The following UBR4 variants were observed in gnomAD, a reference collection of about 807,000 sequenced individuals.
UBR4 encodes E3 ubiquitin-protein ligase UBR4.
UBR4 carries 124 observed loss-of-function variants against 575.6 expected under a neutral mutation model. That is an observed-to-expected ratio of 0.22 (90% CI 0.19 to 0.25). The LOEUF is 0.25. Ranked by LOEUF, UBR4 falls within the 10% of genes least tolerant of loss-of-function variation. The probability of loss-of-function intolerance (pLI) is 1.00; values close to 1 mark genes in which losing one functional copy is unlikely to be tolerated. For synonymous variants in UBR4, 2,455 were observed against 2,473.7 expected (o/e 0.99, Z 0.22); for missense variants, 4,818 against 6,478.8 (o/e 0.74, Z 8.80).
intron 27 of UBR4, 38 bp from the exon 28 acceptor site, chr1:19,168,222 T>C (rs2088841739): frequency 1.3e-6 from 2 of 1,489,540 alleles, no homozygotes; most frequent in Non-Finnish European, 1.8e-6. Flanking sequence ...GGATAGACCA[T>C]CTACCCTGGA....
In UBR4 at chr1:19,172,866, G is replaced by A. The variant is rs766747398; in HGVS notation, c.3519C>T (p.Thr1173=). 3 of 1,613,996 alleles carry A rather than the reference G, an allele frequency of 1.9e-6. No individual in the cohort carries two copies. Among genetic ancestry groups the A allele is most frequent in the Non-Finnish European group, 2.5e-6 (3 of 1,179,970 alleles). ...TCTGGGCAGGCAGTTCGCCACACCT[G>A]GTGAACGATGCATAGGTGTCAATGA... ...LQLIDTYASF[T]RAYLLQNFNE... The change falls in exon 25 of 106, where the codon ACC becomes ACT. Residue 1173 remains threonine (T), a splice_region_variant and synonymous_variant. Transcript: ENST00000375254.
Position 19,170,784 on chromosome 1 carries a change from G to A in UBR4, c.3621C>T (p.Ser1207=), listed in dbSNP as rs537478358. The A allele has an allele frequency of 1.4e-4, 229 of 1,614,186 alleles. 6 individuals carry two copies. The South Asian group carries it at 2.4e-3, about 17-fold the overall frequency. ...TACCCAGAGTATTTGCCTTGCACCT[G>A]CTAGAGCCAATAGCCAAAACAGCAG... The part of the protein sequence containing the change: ...GFAAVLAIGS[S]RCKANTLGPT... The change falls in exon 26 of 106, where the codon AGC becomes AGT. Residue 1207 remains serine, a synonymous_variant. Coordinates refer to ENST00000375254, the MANE Select transcript of UBR4 (RefSeq NM_020765.3).
chr1:19,192,151 A>G (rs1430656668), intron 11 of UBR4, 37 bp downstream of exon 11: 3 of 1,586,546 alleles, frequency 1.9e-6, no homozygotes, highest in South Asian at 1.1e-5. Flanking sequence ...TTAGCGAAAT[A>G]AAACAAAATA....
chr1:19,134,435 A>G (rs893234759), intron 60 of UBR4, among the ~76,000 whole-genome samples: 1 of 152,200 alleles, frequency 6.6e-6, no homozygotes, highest in Non-Finnish European at 1.5e-5. Flanking sequence ...AAAACAAGAA[A>G]CAACAAGAAT....
At chr1:19,173,999 A>T (rs996899581) in intron 22 of UBR4, among the ~76,000 whole-genome samples, 3 of 152,242 alleles carry the variant, frequency 2.0e-5, no homozygotes, top group Non-Finnish European at 4.4e-5. Flanking sequence ...GAGACACATT[A>T]ACAGAGCCAT....
At chr1:19,122,786 C>A in intron 66 of UBR4, 47 bp downstream of exon 66, 3 of 1,609,286 alleles carry the variant, frequency 1.9e-6, no homozygotes, top group Non-Finnish European at 2.6e-6. Context: ...TTGGCTAAGC[C>A]TTATCACATC....
At chr1:19,175,539 A>C (rs1011779771) in intron 20 of UBR4, among the ~76,000 whole-genome samples, 3 of 152,210 alleles carry the variant, frequency 2.0e-5, no homozygotes, top group Non-Finnish European at 4.4e-5. Context: ...ACACACTAAA[A>C]ATGAACACAA....
intron 2 of UBR4, 63 bp downstream of exon 2, chr1:19,201,655 G>A: frequency 7.0e-7 from 1 of 1,421,054 alleles, no homozygotes; most frequent in Non-Finnish European, 9.8e-7. Context: ...ACACTAACGA[G>A]AGGATAAACA....
At chr1:19,160,038 T>C (rs761240059) in intron 39 of UBR4, 73 bp downstream of exon 39, 5 of 1,564,694 alleles carry the variant, frequency 3.2e-6, no homozygotes, top group Non-Finnish European at 4.3e-6. Context: ...TCAGAGCATC[T>C]AGCACATTTT....
chr1:19,091,674 C>T (rs926562441), intron 97 of UBR4, among the ~76,000 whole-genome samples: 2 of 152,154 alleles, frequency 1.3e-5, no homozygotes, highest in South Asian at 2.1e-4. Context: ...CTGGCTAAGA[C>T]GCAGAGAAAC....
intron 60 of UBR4, among the ~76,000 whole-genome samples, chr1:19,132,383 T>C (rs2082587786): frequency 6.6e-6 from 1 of 151,890 alleles, no homozygotes; most frequent in South Asian, 2.1e-4. Context: ...GGTTTTGCTA[T>C]GTTGAGCAGG....
At chr1:19,097,724 T>C (rs1380707439) in intron 90 of UBR4, among the ~76,000 whole-genome samples, 2 of 152,164 alleles carry the variant, frequency 1.3e-5, no homozygotes, top group Non-Finnish European at 2.9e-5. Flanking sequence ...CTCCAATCAA[T>C]AGGGACTACT....
intron 61 of UBR4, 111 bp from the exon 62 acceptor site, chr1:19,128,429 A>C (rs553502074): frequency 1.1e-6 from 1 of 909,824 alleles, no homozygotes; most frequent in South Asian, 1.5e-5. Flanking sequence ...TATCAATCAT[A>C]ACTGTAATCC....
chr1:19,104,322 CA>C (rs2078959431), intron 86 of UBR4, 65 bp from the exon 87 acceptor site: 2 of 1,574,356 alleles, frequency 1.3e-6, no homozygotes, highest in Non-Finnish European at 1.7e-6. Flanking sequence ...GTCTGTGTCT[CA>C]AAAGATTATG....
Position 19,157,632 on chromosome 1 carries a change from TAATCA to T in UBR4, c.5760+178_5760+182del, listed in dbSNP as rs2086635881. Among the ~76,000 whole-genome samples the T allele has an allele frequency of 6.6e-6, 1 of 152,260 alleles. No individual in the cohort carries two copies. The highest frequency in any genetic ancestry group is 1.5e-5 in the Non-Finnish European group (1 of 68,042). On this transcript the variant is annotated intron_variant, in intron 40 of 105. Transcript: ENST00000375254. The surrounding 1 kb of genome is among the most constrained non-coding windows in gnomAD (Gnocchi z 4.4). ...GTCCTAGTCATACCAGCTCTAGGTCTAATCAAATCAATTCAGGGTTCAAGTATTTG... is the reference window on the plus strand; with the variant it reads ...GTCCTAGTCATACCAGCTCTAGGTCTAATCAATTCAGGGTTCAAGTATTTG...
intron 29 of UBR4, 128 bp downstream of exon 29, chr1:19,166,894 T>A: frequency 1.9e-6 from 2 of 1,059,344 alleles, no homozygotes; most frequent in African/African-American, 1.8e-5. Context: ...AGACCATGTC[T>A]CAGAATAAAA....
chr1:19,193,610 CAAAGCTGAAACACA>C, intron 8 of UBR4, 53 bp from the exon 9 acceptor site: 1 of 1,548,438 alleles, frequency 6.5e-7, no homozygotes, highest in Non-Finnish European at 8.7e-7. Flanking sequence ...AAGAATCCAC[CAAAGCTGAAACACA>C]AAAGCACACC....
Position 19,101,521 on chromosome 1 carries a change from G to C in UBR4, c.13022C>G (p.Pro4341Arg). Residue 4341 changes from proline to arginine, a missense_variant and splice_region_variant, in exon 88 of 106, where the codon CCT becomes CGT. Physicochemically the swap from Pro to Arg is moderately radical, Grantham distance 103. Transcript: ENST00000375254. ...IFERLCSIIY[P>R]EENEVTEFFV... ...CATGGGAAGCACCGCACTGCTTACAGGATAAATGATGCTGCAGAGCCTCTC... is the reference window on the plus strand; with the variant it reads ...CATGGGAAGCACCGCACTGCTTACACGATAAATGATGCTGCAGAGCCTCTC... 2.5e-6 allele frequency: 4 copies of C among 1,612,732 alleles called. No homozygotes were observed. The highest frequency in any genetic ancestry group is 3.4e-6 in the Non-Finnish European group (4 of 1,179,196).
At chr1:19,087,644 G>A (rs955534360) in intron 99 of UBR4, among the ~76,000 whole-genome samples, 172 bp downstream of exon 99, 3 of 152,256 alleles carry the variant, frequency 2.0e-5, no homozygotes, top group Non-Finnish European at 2.9e-5. Context: ...AAGTTCGGAT[G>A]AGCTCGCCTT....
Sources: allele counts gnomAD v4.1 joint callset (sites outside exome capture counted in the v4.1 genomes callset), GRCh38; gene constraint gnomAD v4.1.1; non-coding constraint Gnocchi (gnomAD v3.1); transcripts MANE v1.5; gene names NCBI Gene and HGNC (gene_info 2026-07-23, HGNC 2026-07-21).